VWC2: variants seen among roughly 807,000 people sequenced by gnomAD.
The protein encoded by VWC2 is brorin.
VWC2 carries 14 observed loss-of-function variants against 29.8 expected under a neutral mutation model. The ratio of observed to expected loss-of-function variants is 0.47; its 90% confidence interval spans 0.31 to 0.74. VWC2 has a LOEUF of 0.74. Ranked by LOEUF, VWC2 falls within the 30% of genes least tolerant of loss-of-function variation. The pLI is 0.05. For missense variants in VWC2, 457 were observed against 459.8 expected (o/e 0.99, Z 0.05); for synonymous variants, 213 against 199.0 (o/e 1.07, Z -0.59).
At chr7:49,883,245 C>T (rs946114344) in intron 3 of VWC2, among the ~76,000 whole-genome samples, 13 of 152,056 alleles carry the variant, frequency 8.5e-5, no homozygotes, top group Non-Finnish European at 1.3e-4. Context: ...CCCAGGGAGG[C>T]GTCTTTCCAG....
chr7:49,856,191 A>G (rs1407961644), intron 3 of VWC2, among the ~76,000 whole-genome samples: 3 of 152,162 alleles, frequency 2.0e-5, no homozygotes, highest in Non-Finnish European at 2.9e-5. Flanking sequence ...GTGATCCCTA[A>G]TGTTGGAGAT....
chr7:49,867,843 T>C (rs1562741268), intron 3 of VWC2, among the ~76,000 whole-genome samples: 2 of 141,280 alleles, frequency 1.4e-5, no homozygotes, highest in African/African-American at 4.9e-5. Context: ...TTATTTTATT[T>C]TATTTTTTGA....
intron 3 of VWC2, among the ~76,000 whole-genome samples, chr7:49,818,732 A>G (rs546806912): frequency 1.3e-5 from 2 of 150,996 alleles, no homozygotes; most frequent in Non-Finnish European, 3.0e-5. Flanking sequence ...AAATATATAT[A>G]TATGTATATC....
At chr7:49,853,984 G>A (rs1041417404) in intron 3 of VWC2, among the ~76,000 whole-genome samples, 10 of 151,674 alleles carry the variant, frequency 6.6e-5, no homozygotes, top group East Asian at 1.9e-4. Context: ...CTGTCCCTGC[G>A]ATAGTTTGCT....
chr7:49,781,278 A>G (rs1006984707), intron 2 of VWC2, among the ~76,000 whole-genome samples: 5 of 152,128 alleles, frequency 3.3e-5, no homozygotes, highest in Admixed American at 1.3e-4. Context: ...GTCATATGCC[A>G]TATCTAGACT....
chr7:49,890,506 A>C (rs1050284680), intron 3 of VWC2, among the ~76,000 whole-genome samples: 5 of 152,208 alleles, frequency 3.3e-5, no homozygotes, highest in Non-Finnish European at 7.4e-5. Flanking sequence ...GAACTATAGA[A>C]TCATAACACC....
rs922967431 is a variant in VWC2, at chr7:49,867,947, T to A, written c.827-44087T>A. On this transcript the variant is annotated intron_variant, in intron 3 of 3. Coordinates refer to ENST00000340652, the MANE Select transcript of VWC2 (RefSeq NM_198570.5). ...CTCCCAAGTTCAAGCAATTCTCCTG[T>A]CTCAGCCTACCAAGTAGCTGGGATT... 2.0e-5 allele frequency among the ~76,000 whole-genome samples: 3 copies of A among 152,168 alleles called. No individual in the cohort carries two copies. In the East Asian group the frequency reaches 5.8e-4, roughly 29 times the overall value.
intron 3 of VWC2, 30 bp from the exon 4 acceptor site, chr7:49,912,004 T>TA: frequency 6.2e-7 from 1 of 1,601,204 alleles, no homozygotes; most frequent in Non-Finnish European, 8.5e-7. Context: ...TATGCACACA[T>TA]ATAGTATAAA....
At chr7:49,837,252 T>A (rs1001961816) in intron 3 of VWC2, among the ~76,000 whole-genome samples, 1 of 152,242 alleles carries the variant, frequency 6.6e-6, no homozygotes, top group Non-Finnish European at 1.5e-5. Flanking sequence ...CAATGAACCA[T>A]GCAAACATTT....
At chr7:49,853,654 T>C (rs1790289701) in intron 3 of VWC2, among the ~76,000 whole-genome samples, 1 of 151,962 alleles carries the variant, frequency 6.6e-6, no homozygotes, top group Admixed American at 6.5e-5. Context: ...TGAACGTTTG[T>C]TTTTCTTCTT....
chr7:49,846,892 ATAT>A (rs1789963837), intron 3 of VWC2, among the ~76,000 whole-genome samples: 1 of 152,188 alleles, frequency 6.6e-6, no homozygotes, highest in South Asian at 2.1e-4. Flanking sequence ...ATGAGGTAAA[ATAT>A]TATGATACAA....
intron 3 of VWC2, among the ~76,000 whole-genome samples, chr7:49,807,976 A>G (rs1261363289): frequency 1.3e-5 from 2 of 151,980 alleles, no homozygotes; most frequent in African/African-American, 4.8e-5. Flanking sequence ...ATCAATTACC[A>G]TTTTCCCAAT....
chr7:49,817,651 A>G (rs888842265), intron 3 of VWC2, among the ~76,000 whole-genome samples: 1 of 152,208 alleles, frequency 6.6e-6, no homozygotes, highest in Non-Finnish European at 1.5e-5. Flanking sequence ...CTTCAGGTAT[A>G]AAAGAGTCCA....
In VWC2 at chr7:49,916,259, T is replaced by G. The variant is rs1793719279; in HGVS notation, c.*4074T>G. The stretch of plus-strand genomic sequence containing the variant: ...TCCTCAACATGGAAGACTGGTGTCT[T>G]CACAATTAGATCATGGACAACACCA... On this transcript the variant is annotated 3_prime_UTR_variant, in exon 4 of 4. Coordinates refer to ENST00000340652, the MANE Select transcript of VWC2 (RefSeq NM_198570.5). 1 of 152,204 alleles carries G rather than the reference T, an allele frequency of 6.6e-6. No homozygotes were observed. Among genetic ancestry groups the G allele is most frequent in the African/African-American group, 2.4e-5 (1 of 41,456 alleles). The allele number at this position is 152,204 out of a possible 1,614,324, so 9.4% of individuals were successfully genotyped here.
intron 3 of VWC2, among the ~76,000 whole-genome samples, chr7:49,889,417 T>G (rs1465982737): frequency 6.6e-6 from 1 of 152,196 alleles, no homozygotes; most frequent in Non-Finnish European, 1.5e-5. Flanking sequence ...TACTTGAAAT[T>G]GTTATGCCTC....
chr7:49,850,672 T>C (rs1003563181), intron 3 of VWC2, among the ~76,000 whole-genome samples: 9 of 152,236 alleles, frequency 5.9e-5, no homozygotes, highest in African/African-American at 2.2e-4. Context: ...AATGCCATCT[T>C]CTGGAAAAAA....
intron 3 of VWC2, among the ~76,000 whole-genome samples, chr7:49,818,913 TTAAAA>T (rs892922901): frequency 3.3e-5 from 5 of 151,110 alleles, no homozygotes; most frequent in Non-Finnish European, 5.9e-5. Context: ...GAATTTGCCT[TTAAAA>T]TAAAATATTA....
intron 3 of VWC2, among the ~76,000 whole-genome samples, chr7:49,889,653 A>T (rs774662368): frequency 1.8e-4 from 27 of 152,168 alleles, no homozygotes; most frequent in Non-Finnish European, 3.1e-4. Flanking sequence ...TTTGCTCCTT[A>T]AGTTTGCCCT....
At chr7:49,883,385 TA>T (rs1275789268) in intron 3 of VWC2, among the ~76,000 whole-genome samples, 1 of 151,836 alleles carries the variant, frequency 6.6e-6, no homozygotes, top group East Asian at 1.9e-4. Context: ...ATAAATGTAC[TA>T]AAAAAATAGG....
Sources: allele counts gnomAD v4.1 joint callset (sites outside exome capture counted in the v4.1 genomes callset), GRCh38; gene constraint gnomAD v4.1.1; transcripts MANE v1.5; gene names NCBI Gene and HGNC (gene_info 2026-07-23, HGNC 2026-07-21).